The following EXOC6B variants were observed in gnomAD, a reference collection of about 807,000 sequenced individuals.
EXOC6B encodes exocyst complex component 6B.
EXOC6B carries 54 observed loss-of-function variants against 113.5 expected under a neutral mutation model. The observed-to-expected ratio is 0.48, with a 90% CI of 0.38 to 0.60. The LOEUF (loss-of-function observed/expected upper bound fraction) is 0.60, where lower values mean the gene tolerates loss of function less well. Ranked by LOEUF, EXOC6B falls within the 20% of genes least tolerant of loss-of-function variation. The pLI is 0.00. For missense variants in EXOC6B, 797 were observed against 977.5 expected (o/e 0.82, Z 2.46); for synonymous variants, 357 against 339.0 (o/e 1.05, Z -0.58).
chr2:72,331,350 C>T (rs1458313894), intron 20 of EXOC6B, among the ~76,000 whole-genome samples: 1 of 152,070 alleles, frequency 6.6e-6, no homozygotes, highest in African/African-American at 2.4e-5. Flanking sequence ...TCAGCATTAT[C>T]TACTTAATGT....
chr2:72,355,700 T>G lies in EXOC6B; in HGVS notation c.2123-20680A>C, dbSNP rs142605102. Reference sequence around the variant, plus strand: ...ATGAGAGACTGCAGAAAGAAGCAGCTTATTTTAAAATTATAATTCAGAAGG... The same window carrying G: ...ATGAGAGACTGCAGAAAGAAGCAGCGTATTTTAAAATTATAATTCAGAAGG... On this transcript the variant is annotated intron_variant, in intron 19 of 21. Coordinates refer to ENST00000272427, the MANE Select transcript of EXOC6B (RefSeq NM_015189.3). 4.7e-4 allele frequency among the ~76,000 whole-genome samples: 71 copies of G among 152,324 alleles called. 2 individuals carry two copies. The highest frequency in any genetic ancestry group is 3.4e-3 in the Middle Eastern group (1 of 294).
At chr2:72,424,595 C>A (rs1695096446) in intron 18 of EXOC6B, among the ~76,000 whole-genome samples, 1 of 151,954 alleles carries the variant, frequency 6.6e-6, no homozygotes, top group East Asian at 1.9e-4. Flanking sequence ...CCTTTTCTTG[C>A]TGATTTTTTA....
At chr2:72,337,845 G>A (rs1688779190) in intron 19 of EXOC6B, among the ~76,000 whole-genome samples, 1 of 151,912 alleles carries the variant, frequency 6.6e-6, no homozygotes, top group Non-Finnish European at 1.5e-5. Context: ...AACTCCTTAG[G>A]GATAAAGACC....
chr2:72,764,057 C>T lies in EXOC6B; in HGVS notation c.114-22588G>A, dbSNP rs114202922. ...TTGTACCCCTGCACTCCAGCATGGG[C>T]GACAGAGCGAGCACTTGTCTTAAAA... On this transcript the variant is annotated intron_variant, in intron 1 of 21. Coordinates refer to ENST00000272427, the MANE Select transcript of EXOC6B (RefSeq NM_015189.3). 4.2e-3 allele frequency among the ~76,000 whole-genome samples: 638 copies of T among 151,964 alleles called. 5 individuals are homozygous for T. Among genetic ancestry groups the T allele is most frequent in the Non-Finnish European group, 8.0e-3 (547 of 67,952 alleles).
chr2:72,719,987 T>G (rs1036097842), intron 5 of EXOC6B, among the ~76,000 whole-genome samples: 13 of 152,114 alleles, frequency 8.5e-5, no homozygotes, highest in African/African-American at 2.9e-4. Context: ...GTGTAATATA[T>G]CTAACAATAA....
chr2:72,693,849 T>C (rs1459921138), intron 6 of EXOC6B, among the ~76,000 whole-genome samples: 1 of 152,066 alleles, frequency 6.6e-6, no homozygotes, highest in African/African-American at 2.4e-5. Context: ...TTTTTCTTTT[T>C]TTTTTTCCTT....
intron 11 of EXOC6B, among the ~76,000 whole-genome samples, chr2:72,506,760 C>G (rs554255014): frequency 6.6e-6 from 1 of 151,982 alleles, no homozygotes; most frequent in East Asian, 1.9e-4. Flanking sequence ...TTGTTGTCTC[C>G]CATGTGATAT....
intron 20 of EXOC6B, among the ~76,000 whole-genome samples, chr2:72,222,635 A>G (rs979907716): frequency 6.6e-6 from 1 of 152,176 alleles, no homozygotes; most frequent in African/African-American, 2.4e-5. Flanking sequence ...CTTATGGGGT[A>G]CAAGTATATT....
rs138217170 is a variant in EXOC6B, at chr2:72,470,916, G to A, written c.1801-5577C>T. ...AGTCTTTGCTATTGTGAATAGTGCC[G>A]CAATAAACATACATGGGCGTGTATC... On this transcript the variant is annotated intron_variant, in intron 17 of 21. Coordinates refer to ENST00000272427, the MANE Select transcript of EXOC6B (RefSeq NM_015189.3). 1.6e-3 allele frequency among the ~76,000 whole-genome samples: 241 copies of A among 152,166 alleles called. 1 individual carries two copies. Among genetic ancestry groups the A allele is most frequent in the African/African-American group, 5.4e-3 (226 of 41,492 alleles).
intron 20 of EXOC6B, among the ~76,000 whole-genome samples, chr2:72,275,644 A>C (rs1684767136): frequency 6.6e-6 from 1 of 152,194 alleles, no homozygotes; most frequent in Non-Finnish European, 1.5e-5. Flanking sequence ...AAAAAGATAT[A>C]ATCTTTCTAC....
chr2:72,722,258 C>T (rs1338475610), intron 5 of EXOC6B, among the ~76,000 whole-genome samples: 1 of 152,054 alleles, frequency 6.6e-6, no homozygotes, highest in Non-Finnish European at 1.5e-5. Context: ...CTCCTTCATA[C>T]TTTTAATTTC....
At chr2:72,585,944 C>T (rs1377428516) in intron 6 of EXOC6B, among the ~76,000 whole-genome samples, 3 of 152,096 alleles carry the variant, frequency 2.0e-5, no homozygotes, top group Non-Finnish European at 4.4e-5. Flanking sequence ...AGAAATAAAG[C>T]CACACACCTA....
At chr2:72,642,239 T>G (rs1367852755) in intron 6 of EXOC6B, among the ~76,000 whole-genome samples, 1 of 150,224 alleles carries the variant, frequency 6.7e-6, no homozygotes, top group Admixed American at 6.7e-5. Context: ...CCAATGACTT[T>G]CTTCACAGAA....
chr2:72,503,100 C>G (rs1311139620), intron 11 of EXOC6B, among the ~76,000 whole-genome samples: 2 of 152,258 alleles, frequency 1.3e-5, no homozygotes, highest in South Asian at 2.1e-4. Flanking sequence ...CTTAAGGAAT[C>G]TCTCACTTGT....
At chr2:72,219,907 A>G (rs17007946) in intron 20 of EXOC6B, among the ~76,000 whole-genome samples, 7,460 of 152,194 alleles carry the variant, frequency 0.049, 582 homozygotes, top group African/African-American at 0.17. Flanking sequence ...ATTTGTGCTG[A>G]TGGAGACACA....
At chr2:72,375,933 T>A (rs745479447) in intron 19 of EXOC6B, among the ~76,000 whole-genome samples, 1 of 152,196 alleles carries the variant, frequency 6.6e-6, no homozygotes, top group Non-Finnish European at 1.5e-5. Context: ...GTAGCTGGAC[T>A]TTTTACACAA....
chr2:72,679,809 GA>G (rs966390993), intron 6 of EXOC6B, among the ~76,000 whole-genome samples: 1 of 152,184 alleles, frequency 6.6e-6, no homozygotes, highest in Admixed American at 6.5e-5. Context: ...TGGAAACAAT[GA>G]TTCTGGTGGT....
At chr2:72,476,705 T>A (rs1158176152) in intron 17 of EXOC6B, among the ~76,000 whole-genome samples, 1 of 152,178 alleles carries the variant, frequency 6.6e-6, no homozygotes, top group African/African-American at 2.4e-5. Context: ...TTTATTTTTT[T>A]AAATGCAACA....
At chr2:72,194,680 G>A (rs1679058770) in intron 20 of EXOC6B, among the ~76,000 whole-genome samples, 1 of 151,980 alleles carries the variant, frequency 6.6e-6, no homozygotes, top group Non-Finnish European at 1.5e-5. Context: ...ACTGCCCTAT[G>A]GAACTGGGAG....
Sources: allele counts gnomAD v4.1 joint callset (sites outside exome capture counted in the v4.1 genomes callset), GRCh38; gene constraint gnomAD v4.1.1; transcripts MANE v1.5; gene names NCBI Gene and HGNC (gene_info 2026-07-23, HGNC 2026-07-21).